DYNC1I1: variants seen among roughly 807,000 people sequenced by gnomAD.
DYNC1I1 encodes the protein dynein cytoplasmic 1 intermediate chain 1.
In DYNC1I1, 43 loss-of-function variants were observed where a neutral mutation model predicts 86.6. The ratio of observed to expected loss-of-function variants is 0.50; its 90% CI spans 0.39 to 0.64. The LOEUF (loss-of-function observed/expected upper bound fraction) is 0.64. DYNC1I1 is among the 30% of genes least tolerant of loss of function. The probability of loss-of-function intolerance (pLI) is 0.00; values close to 1 mark genes in which losing one functional copy is unlikely to be tolerated. For missense variants in DYNC1I1, 604 were observed against 788.8 expected (o/e 0.77, Z 2.81); for synonymous variants, 262 against 283.7 (o/e 0.92, Z 0.77).
At chr7:95,900,783 G>T (rs1303963774) in intron 6 of DYNC1I1, among the ~76,000 whole-genome samples, 2 of 152,022 alleles carry the variant, frequency 1.3e-5, no homozygotes, top group African/African-American at 4.8e-5. Flanking sequence ...GAATAAAAAA[G>T]TTTTATTAAG....
chr7:95,813,092 C>CTTT, intron 3 of DYNC1I1, 155 bp from the exon 4 acceptor site: 2 of 1,283,540 alleles, frequency 1.6e-6, no homozygotes, highest in South Asian at 1.4e-5. Flanking sequence ...CCTTTTCTTT[C>CTTT]CTTTTTTTTT....
chr7:95,789,673 GAACACCTTTCTCTGTTCACCCTAACAT>G (rs1486665168), intron 1 of DYNC1I1, among the ~76,000 whole-genome samples: 2 of 152,074 alleles, frequency 1.3e-5, no homozygotes, highest in Non-Finnish European at 2.9e-5. Context: ...CTGTGGTAGT[GAACACCTTTCTCTGTTCACCCTAACAT>G]ACCTTGCAAA....
chr7:96,089,860 A>G (rs1790790329), intron 16 of DYNC1I1, among the ~76,000 whole-genome samples: 1 of 152,180 alleles, frequency 6.6e-6, no homozygotes, highest in Non-Finnish European at 1.5e-5. Flanking sequence ...GCTTAGACGC[A>G]GTGGTTGCTA....
chr7:96,049,332 A>C (rs907900767), intron 14 of DYNC1I1, among the ~76,000 whole-genome samples: 64 of 152,218 alleles, frequency 4.2e-4, no homozygotes, highest in Admixed American at 1.5e-3. Context: ...TTATCTTAAT[A>C]AAAGAGGCAA....
rs528595918 is a variant in DYNC1I1 at position 95,958,342 on chromosome 7, G to A, written c.491-19170G>A. On this transcript the variant is annotated intron_variant, in intron 6 of 16. Coordinates refer to ENST00000447467, the MANE Select transcript of DYNC1I1 (RefSeq NM_001135556.2). ...GCAATAGCTCACAAGTGTACTCCTA[G>A]CGTTTTAAGAGGCTGAGGCAGGAGG... Among the ~76,000 whole-genome samples the A allele has an allele frequency of 3.9e-5, 6 of 152,312 alleles. No individual in the cohort carries two copies. The East Asian group carries it at 1.2e-3, about 29-fold the overall frequency.
At chr7:95,789,944 A>G (rs1478984) in intron 1 of DYNC1I1, among the ~76,000 whole-genome samples, 49,930 of 152,082 alleles carry the variant, frequency 0.33, 8,738 homozygotes, top group South Asian at 0.51. Context: ...TAATAATTCT[A>G]AGCTGTTACA....
At position 96,022,199 on chromosome 7, in the gene DYNC1I1, C is replaced by G. The variant is rs182715749; in HGVS notation, c.970-5976C>G. On this transcript the variant is annotated intron_variant, in intron 10 of 16. Transcript: ENST00000447467. ...CCATTTTTAAAAAATTATAGCCAAC[C>G]TAGTGGATGTTAAATGGTATGTCAT... 9.3e-3 allele frequency among the ~76,000 whole-genome samples: 1,417 copies of G among 152,144 alleles called. 9 individuals are homozygous for G. Among genetic ancestry groups the G allele is most frequent in the Non-Finnish European group, 0.016 (1,056 of 68,014 alleles).
intron 15 of DYNC1I1, among the ~76,000 whole-genome samples, chr7:96,076,790 T>G (rs181989297): frequency 1.1e-3 from 171 of 152,320 alleles, no homozygotes; most frequent in African/African-American, 4.0e-3. Context: ...CTCAGTATTT[T>G]TTTAAAAATA....
At chr7:95,826,929 G>C (rs879488910) in intron 4 of DYNC1I1, among the ~76,000 whole-genome samples, 1 of 152,146 alleles carries the variant, frequency 6.6e-6, no homozygotes, top group Non-Finnish European at 1.5e-5. Context: ...TACCATATAA[G>C]CTACAGTAAG....
chr7:95,830,567 A>G (rs1464521226), intron 5 of DYNC1I1, among the ~76,000 whole-genome samples: 1 of 152,138 alleles, frequency 6.6e-6, no homozygotes, highest in Non-Finnish European at 1.5e-5. Context: ...ATTTCATTGT[A>G]TGGATATACC....
At chr7:96,104,281 C>G (rs980405722) in intron 16 of DYNC1I1, among the ~76,000 whole-genome samples, 2 of 151,798 alleles carry the variant, frequency 1.3e-5, no homozygotes, top group Non-Finnish European at 2.9e-5. Flanking sequence ...ATTCCTTTGC[C>G]AGATATGTTT....
intron 6 of DYNC1I1, among the ~76,000 whole-genome samples, chr7:95,940,371 T>G (rs1792173783): frequency 3.3e-5 from 5 of 152,182 alleles, no homozygotes; most frequent in Admixed American, 3.3e-4. Flanking sequence ...GAAGTTCTCC[T>G]GGATAATATC....
intron 6 of DYNC1I1, among the ~76,000 whole-genome samples, chr7:95,905,478 G>A (rs777002961): frequency 1.3e-4 from 20 of 152,226 alleles, no homozygotes; most frequent in South Asian, 6.2e-4. Flanking sequence ...TCTTAAAAAG[G>A]CCACTGTCAT....
chr7:96,091,702 G>T (rs1790852858), intron 16 of DYNC1I1, among the ~76,000 whole-genome samples: 1 of 152,128 alleles, frequency 6.6e-6, no homozygotes, highest in South Asian at 2.1e-4. Context: ...AATGAGGAAG[G>T]TTTGACTGAG....
At position 95,869,931 on chromosome 7, in the gene DYNC1I1, C is replaced by A. The variant is rs267601651; in HGVS notation, c.423C>A (p.Phe141Leu). Reference sequence around the variant, plus strand: ...TGTCAAAGGTCACCCAAGTGGATTTCCTGCCAAGGGAAGTAGTGTCCTACT... The same window carrying A: ...TGTCAAAGGTCACCCAAGTGGATTTACTGCCAAGGGAAGTAGTGTCCTACT... ...LGVSKVTQVD[F>L]LPREVVSYSK... Residue 141 changes from phenylalanine (F) to leucine (L), a missense_variant, in exon 6 of 17, where the codon TTC becomes TTA. Coordinates refer to ENST00000447467, the MANE Select transcript of DYNC1I1 (RefSeq NM_001135556.2). 6.2e-7 allele frequency: 1 copy of A among 1,614,078 alleles called. No homozygotes were observed. Among genetic ancestry groups the A allele is most frequent in the East Asian group, 2.2e-5 (1 of 44,874 alleles).
At chr7:96,033,581 G>A (rs1431296489) in intron 12 of DYNC1I1, among the ~76,000 whole-genome samples, 3 of 152,106 alleles carry the variant, frequency 2.0e-5, no homozygotes, top group Admixed American at 2.0e-4. Context: ...TGACAAAAAT[G>A]TAAGGAAACA....
chr7:95,997,265 A>C (rs760356938), intron 10 of DYNC1I1, among the ~76,000 whole-genome samples: 2 of 152,000 alleles, frequency 1.3e-5, no homozygotes, highest in Admixed American at 6.6e-5. Context: ...CCTTCTGTAA[A>C]CATAGAAGCA....
intron 4 of DYNC1I1, among the ~76,000 whole-genome samples, chr7:95,813,912 C>G (rs1176452153): frequency 6.6e-6 from 1 of 152,094 alleles, no homozygotes; most frequent in Non-Finnish European, 1.5e-5. Flanking sequence ...TGTAGACTCA[C>G]AGATTATGTA....
intron 6 of DYNC1I1, among the ~76,000 whole-genome samples, chr7:95,930,003 C>A (rs1562947070): frequency 6.6e-6 from 1 of 152,192 alleles, no homozygotes; most frequent in Non-Finnish European, 1.5e-5. Flanking sequence ...AGGGTGACAG[C>A]ACAGAAGGTT....
Sources: gnomAD v4.1 joint callset for allele counts (sites outside exome capture counted in the v4.1 genomes callset) on GRCh38, gnomAD v4.1.1 for gene constraint, MANE v1.5 for transcripts, NCBI Gene and HGNC (gene_info 2026-07-23, HGNC 2026-07-21) for gene names.